RTN1: variants seen among roughly 807,000 people sequenced by gnomAD.
RTN1 encodes reticulon 1.
In RTN1, 25 loss-of-function variants were observed where a neutral mutation model predicts 65.5. That is an observed-to-expected ratio of 0.38 (90% confidence interval 0.28 to 0.53). The LOEUF is 0.53. Among genes scored for constraint, RTN1 ranks in the 20% least tolerant of loss-of-function variants. The pLI is 0.79. For missense variants in RTN1, 983 were observed against 1,025.4 expected (o/e 0.96, Z 0.57); for synonymous variants, 471 against 447.6 (o/e 1.05, Z -0.66).
chr14:59,613,944 T>C (rs1001154707), intron 3 of RTN1, among the ~76,000 whole-genome samples: 20 of 152,190 alleles, frequency 1.3e-4, no homozygotes, highest in African/African-American at 4.8e-4. Context: ...CAGAAATTAC[T>C]TCGTATTATG....
intron 3 of RTN1, among the ~76,000 whole-genome samples, chr14:59,675,449 G>T (rs1192130320): frequency 6.7e-6 from 1 of 148,722 alleles, no homozygotes; most frequent in Non-Finnish European, 1.5e-5. Flanking sequence ...GGACTTGGGG[G>T]GGGGGCGCTA....
chr14:59,614,967 G>A (rs1170099817), intron 3 of RTN1, among the ~76,000 whole-genome samples: 1 of 152,170 alleles, frequency 6.6e-6, no homozygotes, highest in Non-Finnish European at 1.5e-5. Context: ...TGGGAATATA[G>A]CTTTTGTTAA....
chr14:59,679,898 T>A (rs1056577950), intron 3 of RTN1, among the ~76,000 whole-genome samples: 3 of 152,096 alleles, frequency 2.0e-5, no homozygotes, highest in African/African-American at 4.8e-5. Context: ...AGGTTGGGGG[T>A]TGGGGTTTGT....
intron 3 of RTN1, among the ~76,000 whole-genome samples, chr14:59,642,676 A>AT (rs1176371944): frequency 6.6e-6 from 1 of 152,118 alleles, no homozygotes; most frequent in East Asian, 1.9e-4. Context: ...AATAGTTTCC[A>AT]TGTCTCTGTT....
chr14:59,714,232 TAAAAAA>T (rs66785056), intron 3 of RTN1, among the ~76,000 whole-genome samples: 5 of 127,962 alleles, frequency 3.9e-5, no homozygotes, highest in Non-Finnish European at 5.1e-5. Flanking sequence ...AGACTCCGTC[TAAAAAA>T]AAAAAAAAAA....
intron 3 of RTN1, among the ~76,000 whole-genome samples, chr14:59,656,284 C>T (rs990350694): frequency 1.3e-5 from 2 of 152,038 alleles, no homozygotes; most frequent in Non-Finnish European, 2.9e-5. Context: ...GTTTTGAAAT[C>T]ACATAACTGC....
At chr14:59,676,998 G>T (rs1462523546) in intron 3 of RTN1, among the ~76,000 whole-genome samples, 1 of 152,166 alleles carries the variant, frequency 6.6e-6, no homozygotes, top group Non-Finnish European at 1.5e-5. Context: ...CCCTACTTAG[G>T]AAAGGAGAGC....
chr14:59,750,065 T>TTATATATTATATATTATAGACA (rs1885416966), intron 1 of RTN1, among the ~76,000 whole-genome samples: 1 of 27,148 alleles, frequency 3.7e-5, no homozygotes, highest in African/African-American at 1.5e-4. Context: ...TATACATATA[T>TTATATATTATATATTATAGACA]TATATATTAT....
chr14:59,614,112 G>T (rs1882039346), intron 3 of RTN1, among the ~76,000 whole-genome samples: 1 of 152,126 alleles, frequency 6.6e-6, no homozygotes, highest in South Asian at 2.1e-4. Context: ...CAGGAGAGAT[G>T]GGCTGATTAC....
intron 1 of RTN1, among the ~76,000 whole-genome samples, chr14:59,750,262 TA>T (rs369230788): frequency 5.4e-5 from 4 of 74,364 alleles, no homozygotes; most frequent in African/African-American, 2.4e-4. Context: ...ATATAATATA[TA>T]TAATATCTAT....
chr14:59,761,404 T>C (rs1486578976), intron 1 of RTN1, among the ~76,000 whole-genome samples: 2 of 152,198 alleles, frequency 1.3e-5, no homozygotes, highest in Admixed American at 6.5e-5. Flanking sequence ...CCCATTTTGC[T>C]CAGTCCTTCT....
chr14:59,616,585 T>C (rs1288111867), intron 3 of RTN1, among the ~76,000 whole-genome samples: 3 of 152,212 alleles, frequency 2.0e-5, no homozygotes, highest in East Asian at 1.9e-4. Context: ...ATAATGTTGA[T>C]ACAATTTAGT....
At chr14:59,864,694 A>G (rs1682178776) in intron 1 of RTN1, among the ~76,000 whole-genome samples, 1 of 152,232 alleles carries the variant, frequency 6.6e-6, no homozygotes, top group Non-Finnish European at 1.5e-5. Flanking sequence ...TCTTGCTAAA[A>G]CTAATTACAA....
Position 59,763,182 on chromosome 14 carries a change from T to C in RTN1, c.242-16701A>G, listed in dbSNP as rs559927286. Among the ~76,000 whole-genome samples the C allele has an allele frequency of 2.6e-5, 4 of 152,184 alleles. No homozygotes were observed. The South Asian group carries it at 6.2e-4, about 24-fold the overall frequency. ...AAATCAGAATAGAGTATAAAAGTTATTATACTGAGTGCACAGAAGATGTGC... is the reference window on the plus strand; with the variant it reads ...AAATCAGAATAGAGTATAAAAGTTACTATACTGAGTGCACAGAAGATGTGC... On this transcript the variant is annotated intron_variant, in intron 1 of 8. Coordinates refer to ENST00000267484, the MANE Select transcript of RTN1 (RefSeq NM_021136.3).
At chr14:59,750,094 T>TTA (rs1296940269) in intron 1 of RTN1, among the ~76,000 whole-genome samples, 1 of 59,338 alleles carries the variant, frequency 1.7e-5, no homozygotes, top group Admixed American at 3.2e-4. Context: ...GACATATATA[T>TTA]TATATATTAT....
At chr14:59,642,082 AT>A (rs1328683461) in intron 3 of RTN1, among the ~76,000 whole-genome samples, 7 of 151,876 alleles carry the variant, frequency 4.6e-5, no homozygotes, top group African/African-American at 1.7e-4. Flanking sequence ...ACTTTATCTT[AT>A]TTTCATTTTT....
intron 3 of RTN1, among the ~76,000 whole-genome samples, chr14:59,621,107 G>A (rs1424061807): frequency 6.6e-6 from 1 of 152,144 alleles, no homozygotes; most frequent in Non-Finnish European, 1.5e-5. Context: ...TGCTTAGAGT[G>A]GTATCAACTT....
intron 3 of RTN1, among the ~76,000 whole-genome samples, chr14:59,621,612 C>T (rs1882255259): frequency 6.6e-6 from 1 of 152,098 alleles, no homozygotes; most frequent in African/African-American, 2.4e-5. Context: ...ACCAGTGCTC[C>T]CCTTATTTCT....
chr14:59,676,255 G>A (rs1472277969), intron 3 of RTN1, among the ~76,000 whole-genome samples: 1 of 152,160 alleles, frequency 6.6e-6, no homozygotes, highest in Non-Finnish European at 1.5e-5. Flanking sequence ...GCTAGTTTTT[G>A]CACAGAAGCT....
Sources: allele counts gnomAD v4.1 joint callset (sites outside exome capture counted in the v4.1 genomes callset), GRCh38; gene constraint gnomAD v4.1.1; transcripts MANE v1.5; gene names NCBI Gene and HGNC (gene_info 2026-07-23, HGNC 2026-07-21).